HS3ST2: variants seen among roughly 807,000 people sequenced by gnomAD.
The protein encoded by HS3ST2 is heparan sulfate glucosamine 3-O-sulfotransferase 2.
In HS3ST2, 17 loss-of-function variants were observed where a neutral mutation model predicts 26.3. That is an observed-to-expected ratio of 0.65 (90% confidence interval 0.44 to 0.97). HS3ST2 has a LOEUF of 0.97. HS3ST2 is among the 50% of genes least tolerant of loss of function. The pLI is 0.00. For missense variants in HS3ST2, 402 were observed against 501.2 expected (o/e 0.80, Z 1.89); for synonymous variants, 237 against 219.2 (o/e 1.08, Z -0.72).
chr16:22,847,839 AAAAG>A (rs796308590), intron 1 of HS3ST2, among the ~76,000 whole-genome samples: 10 of 151,040 alleles, frequency 6.6e-5, no homozygotes, highest in African/African-American at 2.5e-4. Context: ...AAAAATAAAG[AAAAG>A]GAAGGAAGGA....
intron 1 of HS3ST2, among the ~76,000 whole-genome samples, chr16:22,913,446 C>T (rs1388558606): frequency 6.6e-6 from 1 of 152,020 alleles, no homozygotes; most frequent in Non-Finnish European, 1.5e-5. Context: ...GACTGAGGTC[C>T]CAAGCAGCCT....
intron 1 of HS3ST2, among the ~76,000 whole-genome samples, chr16:22,913,724 G>C (rs998129286): frequency 6.6e-6 from 1 of 152,212 alleles, no homozygotes; most frequent in Non-Finnish European, 1.5e-5. Flanking sequence ...TTCTTAGCCA[G>C]GTGCAGTGGC....
At position 22,916,171 on chromosome 16, in the gene HS3ST2, GA is replaced by G. The variant is rs1385942410; in HGVS notation, c.*614del. 1 of 152,812 alleles carries G rather than the reference GA, an allele frequency of 6.5e-6. No individual in the cohort carries two copies. The highest frequency in any genetic ancestry group is 1.5e-5 in the Non-Finnish European group (1 of 68,208). 9.5% of individuals were successfully genotyped at this position (152,812 alleles called of 1,614,324 possible). On this transcript the variant is annotated 3_prime_UTR_variant, in exon 2 of 2. Transcript: ENST00000261374. ...AGAGCCTATGGTCTCAACTGTGCTTGAAAAACACTGTCTCTGAAAACAACTT... is the reference window on the plus strand; with the variant it reads ...AGAGCCTATGGTCTCAACTGTGCTTGAAAACACTGTCTCTGAAAACAACTT...
At chr16:22,817,371 C>T (rs533850430) in intron 1 of HS3ST2, among the ~76,000 whole-genome samples, 3 of 152,270 alleles carry the variant, frequency 2.0e-5, no homozygotes, top group Admixed American at 1.3e-4. Context: ...CTTTCAGTTA[C>T]AAATCCACAC....
chr16:22,825,721 C>T (rs1032373101), intron 1 of HS3ST2, among the ~76,000 whole-genome samples: 2 of 152,130 alleles, frequency 1.3e-5, no homozygotes, highest in Admixed American at 6.6e-5. Flanking sequence ...TGTTTACAGT[C>T]GAATCACAAA....
In HS3ST2 at chr16:22,814,856, GCCCAGCGCT is replaced by G. The variant is rs770771205; in HGVS notation, c.255_263del (p.Ser87_Pro89del). The G allele has an allele frequency of 1.3e-6, 2 of 1,562,358 alleles. No individual in the cohort carries two copies. The highest frequency in any genetic ancestry group is 1.7e-6 in the Non-Finnish European group (2 of 1,154,254). On this transcript the variant is annotated inframe_deletion, in exon 1 of 2. Transcript: ENST00000261374. ...ATCCCTCCGGGCCGACGCCCAGCGA[GCCCAGCGCT>G]CCCAGCGCGCCCGCCGCCGCCGTGC... is the stretch of plus-strand genomic sequence containing the variant.
intron 1 of HS3ST2, among the ~76,000 whole-genome samples, chr16:22,878,208 T>C (rs906106877): frequency 6.6e-6 from 1 of 152,252 alleles, no homozygotes; most frequent in African/African-American, 2.4e-5. Flanking sequence ...ATGTAGCCCC[T>C]TAGTGATTTT....
intron 1 of HS3ST2, among the ~76,000 whole-genome samples, chr16:22,830,828 A>G (rs1901157733): frequency 6.6e-6 from 1 of 152,258 alleles, no homozygotes; most frequent in Admixed American, 6.5e-5. Context: ...ATTTACAAAT[A>G]GTTCCATTTA....
chr16:22,846,993 T>C (rs541983929), intron 1 of HS3ST2, among the ~76,000 whole-genome samples: 2 of 152,240 alleles, frequency 1.3e-5, no homozygotes, highest in East Asian at 3.9e-4. Context: ...TTAACTTTTA[T>C]TTTAGGTTAG....
At position 22,870,628 on chromosome 16, in the gene HS3ST2, T is replaced by C. The variant is rs141892529; in HGVS notation, c.486-44316T>C. On this transcript the variant is annotated intron_variant, in intron 1 of 1. Coordinates refer to ENST00000261374, the MANE Select transcript of HS3ST2 (RefSeq NM_006043.2). ...GTTCCAGCAACACTGGCTTCCTCCC[T>C]GTCCCCCGGAAACACCAGGTGCATT... Among the ~76,000 whole-genome samples, 1,009 of 152,272 alleles carry C rather than the reference T, an allele frequency of 6.6e-3. 13 individuals carry two copies. Among genetic ancestry groups the C allele is most frequent in the African/African-American group, 0.023 (938 of 41,542 alleles).
At chr16:22,856,352 T>A (rs973006491) in intron 1 of HS3ST2, among the ~76,000 whole-genome samples, 6 of 152,198 alleles carry the variant, frequency 3.9e-5, no homozygotes, top group African/African-American at 1.4e-4. Context: ...CAAGTGACAG[T>A]CCTGTCAAGA....
At chr16:22,818,710 T>TC (rs1293104152) in intron 1 of HS3ST2, among the ~76,000 whole-genome samples, 6 of 74,898 alleles carry the variant, frequency 8.0e-5, no homozygotes, top group African/African-American at 4.5e-4. Context: ...CTTCCTTCCC[T>TC]CCTTCCTTCC....
chr16:22,859,322 A>G (rs1044609941), intron 1 of HS3ST2, among the ~76,000 whole-genome samples: 1 of 152,312 alleles, frequency 6.6e-6, no homozygotes, highest in South Asian at 2.1e-4. Flanking sequence ...GTTATTTTTC[A>G]TATTTGCAAA....
intron 1 of HS3ST2, among the ~76,000 whole-genome samples, chr16:22,821,448 G>T (rs1488215036): frequency 6.6e-6 from 1 of 151,624 alleles, no homozygotes; most frequent in African/African-American, 2.4e-5. Context: ...TGGGGACGGG[G>T]TGGGGGAGCA....
intron 1 of HS3ST2, among the ~76,000 whole-genome samples, chr16:22,893,357 A>G (rs1258656199): frequency 6.6e-6 from 1 of 152,218 alleles, no homozygotes; most frequent in Non-Finnish European, 1.5e-5. Context: ...AATGTTAGCT[A>G]TTGGTATTAT....
rs145745779 is a variant in HS3ST2 at position 22,873,275 on chromosome 16, C to A, written c.486-41669C>A. 6.4e-3 allele frequency among the ~76,000 whole-genome samples: 978 copies of A among 152,208 alleles called. 9 individuals are homozygous for A. Among genetic ancestry groups the A allele is most frequent in the Non-Finnish European group, 8.7e-3 (593 of 68,006 alleles). On this transcript the variant is annotated intron_variant, in intron 1 of 1. Coordinates refer to ENST00000261374, the MANE Select transcript of HS3ST2 (RefSeq NM_006043.2). ...TTCTCTGAGCCTCACCTTCAGTATGCGTAGAAGCAGAATCTATTTCACAGG... is the reference window on the plus strand; with the variant it reads ...TTCTCTGAGCCTCACCTTCAGTATGAGTAGAAGCAGAATCTATTTCACAGG...
chr16:22,815,235 T>TA (rs1164588755), intron 1 of HS3ST2, 140 bp downstream of exon 1: 1 of 1,140,870 alleles, frequency 8.8e-7, no homozygotes, highest in Non-Finnish European at 1.2e-6. Context: ...CATGGGGGGC[T>TA]ATAGCAGAAT....
intron 1 of HS3ST2, among the ~76,000 whole-genome samples, chr16:22,851,889 T>C (rs1901523621): frequency 6.6e-6 from 1 of 152,134 alleles, no homozygotes; most frequent in Admixed American, 6.5e-5. Flanking sequence ...ACATTTGAAA[T>C]GTGCTTATGG....
chr16:22,893,988 CTTTG>C (rs914946532), intron 1 of HS3ST2, among the ~76,000 whole-genome samples: 13 of 152,116 alleles, frequency 8.5e-5, no homozygotes, highest in African/African-American at 2.7e-4. Context: ...TTGTAATTTT[CTTTG>C]TTTGTTTTTG....
Sources: gnomAD v4.1 joint callset for allele counts (sites outside exome capture counted in the v4.1 genomes callset) on GRCh38, gnomAD v4.1.1 for gene constraint, MANE v1.5 for transcripts, NCBI Gene and HGNC (gene_info 2026-07-23, HGNC 2026-07-21) for gene names.